The following MX2 variants were observed in gnomAD, a reference collection of about 807,000 sequenced individuals.
MX2 encodes the protein MX dynamin like GTPase 2.
In MX2, 51 loss-of-function variants were observed where a neutral mutation model predicts 74.0. The observed-to-expected ratio is 0.69, with a 90% CI of 0.55 to 0.87. MX2 has a LOEUF of 0.87. MX2 is among the 40% of genes least tolerant of loss of function. MX2 has a pLI of 0.00. For synonymous variants in MX2, 369 were observed against 339.3 expected (o/e 1.09, Z -0.96); for missense variants, 832 against 908.7 (o/e 0.92, Z 1.09).
At chr21:41,382,304 T>C (rs1568938106) in intron 4 of MX2, 106 bp from the exon 5 acceptor site, 2 of 1,373,378 alleles carry the variant, frequency 1.5e-6, no homozygotes, top group East Asian at 2.5e-5. Flanking sequence ...AGGGACCTAC[T>C]GAAGCTCTCA....
intron 5 of MX2, among the ~76,000 whole-genome samples, chr21:41,385,461 A>T (rs948621370): frequency 6.6e-6 from 1 of 152,214 alleles, no homozygotes; most frequent in Non-Finnish European, 1.5e-5. Flanking sequence ...TATGAAGGGC[A>T]GTTCCCCTGC....
chr21:41,385,109 A>G (rs2145908196), intron 5 of MX2, among the ~76,000 whole-genome samples: 1 of 152,324 alleles, frequency 6.6e-6, no homozygotes, highest in South Asian at 2.1e-4. Context: ...TTACTGGAGT[A>G]GCACTTCTAA....
At chr21:41,375,034 C>G (rs982832400) in intron 1 of MX2, among the ~76,000 whole-genome samples, 4 of 152,202 alleles carry the variant, frequency 2.6e-5, no homozygotes, top group Admixed American at 2.6e-4. Flanking sequence ...TGAGCTCATT[C>G]CGACCTCAGG....
chr21:41,377,146 A>G lies in MX2; in HGVS notation c.240A>G (p.Pro80=). The change falls in exon 2 of 14, where the codon CCA becomes CCG. Residue 80 remains proline, a synonymous_variant. Transcript: ENST00000330714. Reference sequence around the variant, plus strand: ...CACCACCAGGAAACAGGAGCCAACCAAGGGCAATGGTAAGCCCGGTGGAGG... The same window carrying G: ...CACCACCAGGAAACAGGAGCCAACCGAGGGCAATGGTAAGCCCGGTGGAGG... ...NQPPPGNRSQ[P]RAMGPENNLY... 6.2e-7 allele frequency: 1 copy of G among 1,614,158 alleles called. No individual in the cohort carries two copies. Among genetic ancestry groups the G allele is most frequent in the Non-Finnish European group, 8.5e-7 (1 of 1,180,020 alleles).
chr21:41,386,368 T>A lies in MX2; in HGVS notation c.732+3804T>A, dbSNP rs577631827. Among the ~76,000 whole-genome samples, 290 of 152,202 alleles carry A rather than the reference T, an allele frequency of 1.9e-3. 1 individual carries two copies. The highest frequency in any genetic ancestry group is 8.4e-3 in the Admixed American group (129 of 15,284). On this transcript the variant is annotated intron_variant, in intron 5 of 13. Coordinates refer to ENST00000330714, the MANE Select transcript of MX2 (RefSeq NM_002463.2). Reference sequence around the variant, plus strand: ...TGCCTTCAAGAGAGAAAAAAATTTATGTTTTCTTAGAGCAAACTGCATGAG... The same window carrying A: ...TGCCTTCAAGAGAGAAAAAAATTTAAGTTTTCTTAGAGCAAACTGCATGAG...
At chr21:41,397,301 G>A (rs1274413736) in intron 7 of MX2, among the ~76,000 whole-genome samples, 1 of 152,190 alleles carries the variant, frequency 6.6e-6, no homozygotes, top group Non-Finnish European at 1.5e-5. Flanking sequence ...ATATACTTTT[G>A]TGATGAGAAA....
At chr21:41,401,308 G>C (rs1449663712) in intron 10 of MX2, 2 of 152,266 alleles carry the variant, frequency 1.3e-5, no homozygotes, top group African/African-American at 4.8e-5. Context: ...GGAGAAAACA[G>C]CACTGTTTAC....
chr21:41,388,082 G>C lies in MX2; in HGVS notation c.733-2483G>C, dbSNP rs562638291. Among the ~76,000 whole-genome samples the C allele has an allele frequency of 1.3e-5, 2 of 152,280 alleles. No homozygotes were observed. Among genetic ancestry groups the C allele is most frequent in the Non-Finnish European group, 2.9e-5 (2 of 68,026 alleles). On this transcript the variant is annotated intron_variant, in intron 5 of 13. Coordinates refer to ENST00000330714, the MANE Select transcript of MX2 (RefSeq NM_002463.2). The surrounding 1 kb of genome is among the most constrained non-coding windows in gnomAD (Gnocchi z 4.0). Reference sequence around the variant, plus strand: ...ATCCTGAACCTGGGTTACCGCCTCTGCTGGCCTCCTGCTGGGTTTCTCTGC... The same window carrying C: ...ATCCTGAACCTGGGTTACCGCCTCTCCTGGCCTCCTGCTGGGTTTCTCTGC...
intron 8 of MX2, 148 bp downstream of exon 8, chr21:41,397,839 C>T: frequency 1.7e-6 from 1 of 605,536 alleles, no homozygotes; most frequent in Non-Finnish European, 2.9e-6. Context: ...GTCACAGGCT[C>T]ACTGGAAGAA....
chr21:41,380,914 T>C lies in MX2; in HGVS notation c.577+763T>C, dbSNP rs996922711. ...CAGCCTGTCCTGGACTCAGCCAGGATAGATGGAAAAACAATCCTGAATGTA... is the reference window on the plus strand; with the variant it reads ...CAGCCTGTCCTGGACTCAGCCAGGACAGATGGAAAAACAATCCTGAATGTA... On this transcript the variant is annotated intron_variant, in intron 4 of 13. Coordinates refer to ENST00000330714, the MANE Select transcript of MX2 (RefSeq NM_002463.2). The surrounding 1 kb of genome is among the most constrained non-coding windows in gnomAD (Gnocchi z 4.3). 1.3e-5 allele frequency among the ~76,000 whole-genome samples: 2 copies of C among 152,130 alleles called. No homozygotes were observed. The highest frequency in any genetic ancestry group is 2.9e-5 in the Non-Finnish European group (2 of 68,012).
At chr21:41,377,646 A>G in intron 2 of MX2, 143 bp from the exon 3 acceptor site, 1 of 811,888 alleles carries the variant, frequency 1.2e-6, no homozygotes, top group Admixed American at 2.8e-5. Flanking sequence ...CCCTGAAAGC[A>G]GCAGCACCCC....
At position 41,406,857 on chromosome 21, in the gene MX2, T is replaced by C; in HGVS notation, c.1764T>C (p.Val588=). The C allele has an allele frequency of 1.2e-6, 2 of 1,614,256 alleles. No individual in the cohort carries two copies. Among genetic ancestry groups the C allele is most frequent in the Non-Finnish European group, 1.7e-6 (2 of 1,180,046 alleles). The change falls in exon 13 of 14, where the codon GTT becomes GTC. Residue 588 remains valine (V), a synonymous_variant. Coordinates refer to ENST00000330714, the MANE Select transcript of MX2 (RefSeq NM_002463.2). ...VFCQDQIYSV[V]LKKVREEIFN... ...GTCAAGATCAGATTTACAGTGTTGT[T>C]CTGAAGAAAGTCCGAGAAGAGATTT... is the stretch of plus-strand genomic sequence containing the variant.
chr21:41,377,027 C>A lies in MX2; in HGVS notation c.121C>A (p.Pro41Thr), dbSNP rs1239444832. ...QQPPPFGTVP[P>T]QMMFPPNWQG... ...GCCACCGCCATTCGGCACAGTGCCA[C>A]CACAAATGATGTTTCCTCCAAACTG... The change falls in exon 2 of 14, where the codon CCA becomes ACA. Residue 41 changes from proline (P) to threonine (T), a missense_variant. Coordinates refer to ENST00000330714, the MANE Select transcript of MX2 (RefSeq NM_002463.2). The A allele has an allele frequency of 6.2e-7, 1 of 1,614,240 alleles. No homozygotes were observed. The highest frequency in any genetic ancestry group is 8.5e-7 in the Non-Finnish European group (1 of 1,180,040).
At chr21:41,381,763 C>A (rs901588459) in intron 4 of MX2, among the ~76,000 whole-genome samples, 7 of 152,040 alleles carry the variant, frequency 4.6e-5, no homozygotes, top group Non-Finnish European at 7.4e-5. Flanking sequence ...ATCTTGGAAC[C>A]CCCTCCACTG....
chr21:41,407,118 G>C, intron 13 of MX2, 120 bp downstream of exon 13: 1 of 1,016,672 alleles, frequency 9.8e-7, no homozygotes, highest in East Asian at 2.6e-5. Flanking sequence ...AATGTATTAA[G>C]CCCTTCTGTA....
At chr21:41,362,765 T>C (rs1312541464) in intron 1 of MX2, among the ~76,000 whole-genome samples, 1 of 143,500 alleles carries the variant, frequency 7.0e-6, no homozygotes, top group Non-Finnish European at 1.5e-5. Context: ...TTTTTTTTTT[T>C]TTTTTTTTTT....
chr21:41,379,995 A>G lies in MX2; in HGVS notation c.443-22A>G, dbSNP rs17000847. On this transcript the variant is annotated intron_variant, in intron 3 of 13. Transcript: ENST00000330714. ...ACTTCTTTAAAAGGAAACTGAGGAT[A>G]TTTGGGGAACCTCTCGCTCAGGAAT... 3,324 of 1,612,790 alleles carry G rather than the reference A, an allele frequency of 2.1e-3. 68 individuals are homozygous for G. The African/African-American group carries it at 0.038, about 19-fold the overall frequency.
intron 7 of MX2, among the ~76,000 whole-genome samples, chr21:41,396,682 C>T (rs1473432229): frequency 1.3e-5 from 2 of 152,160 alleles, no homozygotes; most frequent in Non-Finnish European, 2.9e-5. Flanking sequence ...AAACACCACC[C>T]GGTTCCTTCT....
intron 12 of MX2, among the ~76,000 whole-genome samples, chr21:41,405,208 G>A (rs2089869367): frequency 6.6e-6 from 1 of 151,496 alleles, no homozygotes; most frequent in African/African-American, 2.4e-5. Context: ...GCAGTCAGTC[G>A]AGATTGTGCC....
Sources: gnomAD v4.1 joint callset for allele counts (sites outside exome capture counted in the v4.1 genomes callset) on GRCh38, gnomAD v4.1.1 for gene constraint, Gnocchi (gnomAD v3.1) non-coding constraint, MANE v1.5 for transcripts, NCBI Gene and HGNC (gene_info 2026-07-23, HGNC 2026-07-21) for gene names.